Variants in TTLL5 observed in about 807,000 individuals in gnomAD.
The protein encoded by TTLL5 is tubulin polyglutamylase TTLL5.
In TTLL5, 132 loss-of-function variants were observed where a neutral mutation model predicts 168.4. The ratio of observed to expected loss-of-function variants is 0.78; its 90% CI spans 0.68 to 0.91. The LOEUF is 0.91. Among genes scored for constraint, TTLL5 ranks in the 40% least tolerant of loss-of-function variants. The pLI is 0.00. For missense variants in TTLL5, 1,545 were observed against 1,581.5 expected (o/e 0.98, Z 0.39); for synonymous variants, 546 against 558.6 (o/e 0.98, Z 0.32).
intron 31 of TTLL5, among the ~76,000 whole-genome samples, chr14:75,922,582 C>T (rs2033865315): frequency 6.6e-6 from 1 of 152,202 alleles, no homozygotes; most frequent in African/African-American, 2.4e-5. Context: ...GGGATGAACA[C>T]TTGATCATGG....
intron 28 of TTLL5, among the ~76,000 whole-genome samples, chr14:75,858,769 G>A (rs1173841218): frequency 6.6e-6 from 1 of 152,200 alleles, no homozygotes; most frequent in Non-Finnish European, 1.5e-5. Flanking sequence ...TTCACAAAGT[G>A]CCATTGAAGT....
intron 29 of TTLL5, among the ~76,000 whole-genome samples, chr14:75,878,006 C>T (rs1171862335): frequency 1.3e-5 from 2 of 152,142 alleles, no homozygotes; most frequent in East Asian, 1.9e-4. Flanking sequence ...TCTACATTAC[C>T]GACTCTTTGG....
At chr14:75,921,736 T>C (rs970283109) in intron 31 of TTLL5, among the ~76,000 whole-genome samples, 2 of 152,226 alleles carry the variant, frequency 1.3e-5, no homozygotes, top group Non-Finnish European at 2.9e-5. Context: ...ATATGAACTT[T>C]AAAGTAGTTT....
chr14:75,863,774 G>C lies in TTLL5; in HGVS notation c.3434G>C (p.Ser1145Thr). 1.2e-6 allele frequency: 2 copies of C among 1,613,892 alleles called. No individual in the cohort carries two copies. The highest frequency in any genetic ancestry group is 1.7e-6 in the Non-Finnish European group (2 of 1,179,968). ...PQHKYHPTAGSYQLQFALQQL... is the reference protein window; with the variant it reads ...PQHKYHPTAGTYQLQFALQQL... ...CACAAGTATCACCCCACAGCAGGCA[G>C]CTATCAGCTTCAATTTGCCCTGCAG... Residue 1145 changes from serine to threonine, a missense_variant, in exon 29 of 32, where the codon AGC becomes ACC. By Grantham distance (58) the Ser-to-Thr change is moderately conservative. Coordinates refer to ENST00000298832, the MANE Select transcript of TTLL5 (RefSeq NM_015072.5).
chr14:75,912,013 C>A (rs555955196), intron 31 of TTLL5, among the ~76,000 whole-genome samples: 2 of 152,194 alleles, frequency 1.3e-5, no homozygotes, highest in African/African-American at 4.8e-5. Flanking sequence ...AAACCTGCAG[C>A]GTTGCTGAGA....
intron 28 of TTLL5, among the ~76,000 whole-genome samples, chr14:75,835,764 G>C (rs1293203098): frequency 6.6e-6 from 1 of 152,078 alleles, no homozygotes; most frequent in Non-Finnish European, 1.5e-5. Context: ...TCAAAAGAAG[G>C]CATATAAATG....
intron 31 of TTLL5, among the ~76,000 whole-genome samples, chr14:75,946,043 A>C (rs2034760892): frequency 6.6e-6 from 1 of 152,250 alleles, no homozygotes; most frequent in South Asian, 2.1e-4. Context: ...CATAACACGC[A>C]AAAGAGTTTG....
chr14:75,868,512 TTCAA>T (rs1185299573), intron 29 of TTLL5, among the ~76,000 whole-genome samples: 4 of 152,176 alleles, frequency 2.6e-5, no homozygotes, highest in Non-Finnish European at 5.9e-5. Context: ...CTAATCTGGA[TTCAA>T]TAATCCTAGC....
Position 75,669,570 on chromosome 14 carries a change from C to A in TTLL5, c.181+48C>A, listed in dbSNP as rs183181391. 7,560 of 1,530,694 alleles carry A rather than the reference C, an allele frequency of 4.9e-3. 40 individuals are homozygous for A. The highest frequency in any genetic ancestry group is 0.016 in the Middle Eastern group (94 of 5,760). 94.8% of individuals were successfully genotyped at this position (1,530,694 alleles called of 1,614,324 possible). A position where few individuals can be genotyped will look rare whatever the true frequency, so the allele number is the denominator to read the frequency against. On this transcript the variant is annotated intron_variant, in intron 3 of 31. Transcript: ENST00000298832. ...AGGACGGAGCTGGGCATGGCCCAGACGTCCTTGTCTTAAAGAAGTTGATAT... is the reference window on the plus strand; with the variant it reads ...AGGACGGAGCTGGGCATGGCCCAGAAGTCCTTGTCTTAAAGAAGTTGATAT...
rs761563652 is a variant in TTLL5, at chr14:75,720,629, A to G, written c.968A>G (p.Lys323Arg). 1.2e-6 allele frequency: 2 copies of G among 1,613,640 alleles called. No homozygotes were observed. The highest frequency in any genetic ancestry group is 1.1e-5 in the South Asian group (1 of 91,060). ...LMAHVEDLII[K>R]TIISAELAIA... is the part of the protein sequence containing the mutation. The stretch of plus-strand genomic sequence containing the variant: ...GCCCATGTAGAAGACCTGATCATTA[A>G]GACTATAATCTCTGCTGAACTAGCT... Residue 323 changes from lysine to arginine, a missense_variant, in exon 12 of 32, where the codon AAG becomes AGG. Lys to Arg is a conservative substitution (Grantham distance 26, BLOSUM62 2). Transcript: ENST00000298832.
chr14:75,743,824 G>A (rs1388449422), intron 15 of TTLL5, among the ~76,000 whole-genome samples: 3 of 151,932 alleles, frequency 2.0e-5, no homozygotes, highest in African/African-American at 7.2e-5. Flanking sequence ...CTTGTGATCT[G>A]CCCACCTTGG....
At chr14:75,845,745 T>A (rs1896510927) in intron 28 of TTLL5, among the ~76,000 whole-genome samples, 1 of 152,232 alleles carries the variant, frequency 6.6e-6, no homozygotes, top group African/African-American at 2.4e-5. Flanking sequence ...AGGTAACTGA[T>A]GGCCCAAGAA....
chr14:75,954,543 T>C lies in TTLL5; in HGVS notation c.*97T>C. The C allele has an allele frequency of 6.9e-7, 1 of 1,440,822 alleles. No homozygotes were observed. 89.3% of individuals were successfully genotyped at this position (1,440,822 alleles called of 1,614,324 possible). A position where few individuals can be genotyped will look rare whatever the true frequency, so the allele number is the denominator to read the frequency against. The stretch of plus-strand genomic sequence containing the variant: ...CACTTCAAGGGGTCCATAGTATTTT[T>C]TTTTTTGCTGCCTCAAAGTCCCCAA... On this transcript the variant is annotated 3_prime_UTR_variant, in exon 32 of 32. Coordinates refer to ENST00000298832, the MANE Select transcript of TTLL5 (RefSeq NM_015072.5).
chr14:75,709,105 A>G, intron 9 of TTLL5: 1 of 706,786 alleles, frequency 1.4e-6, no homozygotes, highest in Non-Finnish European at 2.6e-6. Context: ...ATAGCAGTTT[A>G]GGAGGTGATT....
chr14:75,698,612 AAG>A (rs1465740228), intron 6 of TTLL5, among the ~76,000 whole-genome samples: 8 of 152,184 alleles, frequency 5.3e-5, no homozygotes, highest in Non-Finnish European at 8.8e-5. Context: ...TCATTCAAGA[AAG>A]AGGGGAGGCC....
chr14:75,887,439 C>T (rs2032177002), intron 30 of TTLL5: 1 of 600,668 alleles, frequency 1.7e-6, no homozygotes, highest in African/African-American at 2.0e-5. Context: ...GTTCTGCCAG[C>T]TTTTTATTAT....
At chr14:75,694,435 C>A (rs966631257) in intron 6 of TTLL5, among the ~76,000 whole-genome samples, 6 of 152,050 alleles carry the variant, frequency 3.9e-5, no homozygotes, top group Non-Finnish European at 7.4e-5. Context: ...CTCCTGGGTT[C>A]AAGCAATTCT....
chr14:75,726,847 C>T lies in TTLL5; in HGVS notation c.1043-5491C>T, dbSNP rs547921494. On this transcript the variant is annotated intron_variant, in intron 12 of 31. Coordinates refer to ENST00000298832, the MANE Select transcript of TTLL5 (RefSeq NM_015072.5). ...CACTGGAAGTTTTTGAGCAGGGGAG[C>T]GATAGGATTATTATTATTTTTCTTT... 2.9e-4 allele frequency among the ~76,000 whole-genome samples: 44 copies of T among 152,032 alleles called. No homozygotes were observed. In the South Asian group the frequency reaches 6.9e-3, roughly 24 times the overall value.
At chr14:75,793,610 C>G (rs1482342093) in intron 27 of TTLL5, among the ~76,000 whole-genome samples, 1 of 152,112 alleles carries the variant, frequency 6.6e-6, no homozygotes, top group Non-Finnish European at 1.5e-5. Context: ...GATGGGGGAA[C>G]CTGAGGCTGA....
Sources: gnomAD v4.1 joint callset for allele counts (sites outside exome capture counted in the v4.1 genomes callset) on GRCh38, gnomAD v4.1.1 for gene constraint, MANE v1.5 for transcripts, NCBI Gene and HGNC (gene_info 2026-07-23, HGNC 2026-07-21) for gene names.